Variants in LIFR observed in about 807,000 individuals in gnomAD.
The protein encoded by LIFR is LIF receptor subunit alpha.
LIFR carries 84 observed loss-of-function variants against 122.2 expected under a neutral mutation model. The ratio of observed to expected loss-of-function variants is 0.69; its 90% CI spans 0.58 to 0.82. LIFR has a LOEUF of 0.82. Ranked by LOEUF, LIFR falls within the 40% of genes least tolerant of loss-of-function variation. The pLI is 0.00. For missense variants in LIFR, 1,294 were observed against 1,311.6 expected (o/e 0.99, Z 0.21); for synonymous variants, 422 against 434.7 (o/e 0.97, Z 0.36).
At chr5:38,568,171 A>G (rs1480816747) in intron 1 of LIFR, among the ~76,000 whole-genome samples, 2 of 152,262 alleles carry the variant, frequency 1.3e-5, no homozygotes, top group Non-Finnish European at 2.9e-5. Context: ...GAGACCATGC[A>G]TAAACACATA....
chr5:38,489,348 A>G (rs1744451331), intron 15 of LIFR, 103 bp from the exon 16 acceptor site: 6 of 941,218 alleles, frequency 6.4e-6, no homozygotes, highest in Non-Finnish European at 8.3e-6. Flanking sequence ...TCAACTTGGA[A>G]TTAAAACTTT....
At chr5:38,485,004 A>T (rs1744206581) in intron 17 of LIFR, 136 bp from the exon 18 acceptor site, 1 of 660,456 alleles carries the variant, frequency 1.5e-6, no homozygotes, top group Admixed American at 2.4e-5. Flanking sequence ...GACACTGAAA[A>T]ACTATTAAAA....
At chr5:38,600,154 T>A (rs1426138658), upstream of LIFR, among the ~76,000 whole-genome samples, 1 of 152,198 alleles carries the variant, frequency 6.6e-6, no homozygotes, top group East Asian at 1.9e-4. Flanking sequence ...CTAATCTACC[T>A]ATGACCTGGA....
chr5:38,594,811 A>G (rs1253095241), intron 1 of LIFR: 1 of 186,648 alleles, frequency 5.4e-6, no homozygotes, highest in African/African-American at 2.3e-5. Context: ...GACATGGAAA[A>G]AAAGCGAAAC....
intron 5 of LIFR, among the ~76,000 whole-genome samples, chr5:38,517,018 G>A (rs1196171243): frequency 6.6e-6 from 1 of 151,976 alleles, no homozygotes; most frequent in South Asian, 2.1e-4. Context: ...GAGAACACAC[G>A]GACACAGGGA....
chr5:38,537,450 G>A lies in LIFR; in HGVS notation c.-19-6784C>T, dbSNP rs1325015230. 2.0e-5 allele frequency among the ~76,000 whole-genome samples: 3 copies of A among 152,122 alleles called. No homozygotes were observed. The East Asian group carries it at 5.8e-4, about 29-fold the overall frequency. ...CTTCAACTACGCTATAAGAGTGACT[G>A]GTATGTAACAGTCTTCAATAAATAT... On this transcript the variant is annotated intron_variant, in intron 1 of 19. Coordinates refer to ENST00000453190, the MANE Select transcript of LIFR (RefSeq NM_001127671.2).
chr5:38,494,685 G>A (rs546685112), intron 13 of LIFR, among the ~76,000 whole-genome samples: 5 of 152,282 alleles, frequency 3.3e-5, no homozygotes, highest in Admixed American at 2.6e-4. Flanking sequence ...GTATTTAAGG[G>A]TTCAGTAAAA....
rs78474283 is a variant in LIFR, at chr5:38,477,744, A to T, written c.*3851T>A. The T allele has an allele frequency of 4.7e-4, 102 of 219,048 alleles. No individual in the cohort carries two copies. In the East Asian group the frequency reaches 6.4e-3, roughly 14 times the overall value. The allele number at this position is 219,048 out of a possible 1,614,324, so 13.6% of individuals were successfully genotyped here. A position where few individuals can be genotyped will look rare whatever the true frequency, so the allele number is the denominator to read the frequency against. ...ATCACCCTTCAGGAAAATTCTGTTGAATCTGTGACACTCTGGGATAGGACT... is the reference window on the plus strand; with the variant it reads ...ATCACCCTTCAGGAAAATTCTGTTGTATCTGTGACACTCTGGGATAGGACT... On this transcript the variant is annotated 3_prime_UTR_variant, in exon 20 of 20. Coordinates refer to ENST00000453190, the MANE Select transcript of LIFR (RefSeq NM_001127671.2).
chr5:38,594,292 G>A (rs181289758), intron 1 of LIFR, among the ~76,000 whole-genome samples: 99 of 152,250 alleles, frequency 6.5e-4, no homozygotes, highest in African/African-American at 2.4e-3. Flanking sequence ...AAGAAAAGAA[G>A]GATGAACAGA....
At position 38,553,391 on chromosome 5, in the gene LIFR, T is replaced by C. The variant is rs1358217421; in HGVS notation, c.-20+2943A>G. Among the ~76,000 whole-genome samples the C allele has an allele frequency of 4.6e-5, 7 of 151,848 alleles. No homozygotes were observed. The South Asian group carries it at 1.0e-3, about 23-fold the overall frequency. ...AGCACTATCTAGTCACCATCACTTATTGTATCTTTGCTTCTTATCCATCTC... is the reference window on the plus strand; with the variant it reads ...AGCACTATCTAGTCACCATCACTTACTGTATCTTTGCTTCTTATCCATCTC... On this transcript the variant is annotated intron_variant, in intron 1 of 19. Transcript: ENST00000453190.
At chr5:38,595,718 A>G (rs1580247581), upstream of LIFR, among the ~76,000 whole-genome samples, 1 of 145,518 alleles carries the variant, frequency 6.9e-6, no homozygotes, top group African/African-American at 2.5e-5. Context: ...CCTGAAAACC[A>G]CAATAGGTCT....
chr5:38,598,498 G>A (rs142657920), upstream of LIFR, among the ~76,000 whole-genome samples: 37 of 151,572 alleles, frequency 2.4e-4, 1 homozygote, highest in African/African-American at 8.2e-4. Context: ...CGCCTGCCTC[G>A]GCCTCCCAAA....
chr5:38,478,163 G>A lies in LIFR; in HGVS notation c.*3432C>T, dbSNP rs904541310. ...AGGACTTGCAATGTTTGTTAAATAT[G>A]GACGGCATGAAGACAATTAAGAAAC... On this transcript the variant is annotated 3_prime_UTR_variant, in exon 20 of 20. Transcript: ENST00000453190. The A allele has an allele frequency of 4.8e-6, 1 of 209,056 alleles. No homozygotes were observed. Among genetic ancestry groups the A allele is most frequent in the Admixed American group, 5.9e-5 (1 of 16,928 alleles). The allele number at this position is 209,056 out of a possible 1,614,324, so 13.0% of individuals were successfully genotyped here.
At chr5:38,601,126 G>A (rs1018915406) in intron 2 of LIFR, among the ~76,000 whole-genome samples, 6 of 152,184 alleles carry the variant, frequency 3.9e-5, no homozygotes, top group African/African-American at 1.4e-4. Flanking sequence ...AAGGTATTTA[G>A]GATTAGACGA....
chr5:38,528,924 A>G (rs542806905), intron 2 of LIFR, 84 bp from the exon 3 acceptor site: 2 of 871,458 alleles, frequency 2.3e-6, no homozygotes, highest in Admixed American at 2.0e-5. Context: ...ACTGCACTCT[A>G]AAAAGTCAAC....
At chr5:38,553,727 G>GCC (rs1748368215) in intron 1 of LIFR, among the ~76,000 whole-genome samples, 1 of 135,628 alleles carries the variant, frequency 7.4e-6, no homozygotes, top group Non-Finnish European at 1.6e-5. Context: ...AGTCCTAAAA[G>GCC]CCCTCAAAAA....
intron 1 of LIFR, among the ~76,000 whole-genome samples, chr5:38,576,641 G>A (rs1749396527): frequency 2.0e-5 from 3 of 152,348 alleles, no homozygotes; most frequent in African/African-American, 7.2e-5. Context: ...AAGGCTTAGA[G>A]GCTTGGCTGG....
chr5:38,556,661 C>A (rs1292045783), upstream of LIFR: 1 of 146,688 alleles, frequency 6.8e-6, no homozygotes, highest in Non-Finnish European at 1.5e-5. Context: ...CGCGCGGGGG[C>A]GGCGCCTGCA....
intron 1 of LIFR, among the ~76,000 whole-genome samples, chr5:38,571,509 T>G (rs1239541063): frequency 1.5e-5 from 2 of 136,714 alleles, no homozygotes; most frequent in East Asian, 4.4e-4. Context: ...GAGCCAAGAT[T>G]GTGCCACTGC....
Sources: allele counts gnomAD v4.1 joint callset (sites outside exome capture counted in the v4.1 genomes callset), GRCh38; gene constraint gnomAD v4.1.1; transcripts MANE v1.5; gene names NCBI Gene and HGNC (gene_info 2026-07-23, HGNC 2026-07-21).